Variants in KIAA2012 observed in about 807,000 individuals in gnomAD.
The protein encoded by KIAA2012 is uncharacterized protein KIAA2012.
KIAA2012 carries 125 observed loss-of-function variants against 150.6 expected under a neutral mutation model. The observed-to-expected ratio is 0.83, with a 90% CI of 0.72 to 0.96. The LOEUF is 0.96. Among genes scored for constraint, KIAA2012 ranks in the 40% least tolerant of loss-of-function variants. The probability of loss-of-function intolerance (pLI) is 0.00; values close to 1 mark genes in which losing one functional copy is unlikely to be tolerated. For missense variants in KIAA2012, 1,219 were observed against 1,354.9 expected (o/e 0.90, Z 1.57); for synonymous variants, 462 against 504.7 (o/e 0.92, Z 1.13).
intron 2 of KIAA2012, among the ~76,000 whole-genome samples, chr2:202,083,211 A>G (rs1413952865): frequency 2.0e-5 from 3 of 152,246 alleles, no homozygotes; most frequent in African/African-American, 7.2e-5. Context: ...CACCAAAGAT[A>G]GATAGGAGAG....
At chr2:202,202,316 G>A (rs1692547236) in intron 22 of KIAA2012, 113 bp from the exon 23 acceptor site, 1 of 400,510 alleles carries the variant, frequency 2.5e-6, no homozygotes, top group Non-Finnish European at 4.4e-6. Context: ...AAGATCAACA[G>A]CCCGAAGTCT....
In KIAA2012 at chr2:202,105,812, T is replaced by C; in HGVS notation, c.1376T>C (p.Val459Ala). 2 of 1,550,680 alleles carry C rather than the reference T, an allele frequency of 1.3e-6. No homozygotes were observed. The highest frequency in any genetic ancestry group is 1.7e-6 in the Non-Finnish European group (2 of 1,147,016). ...EPESSEESTP[V>A]WRPPLKHASL... The stretch of plus-strand genomic sequence containing the variant: ...GAAAGCAGCGAAGAATCCACACCTG[T>C]GTGGAGACCTCCCCTGAAGCATGCG... The change falls in exon 9 of 24, where the codon GTG becomes GCG. Residue 459 changes from valine to alanine, a missense_variant. By Grantham distance (64) the Val-to-Ala change is moderately conservative (BLOSUM62 0). Coordinates refer to ENST00000498697, the MANE Select transcript of KIAA2012 (RefSeq NM_001277372.4).
At position 202,100,312 on chromosome 2, in the gene KIAA2012, C is replaced by A; in HGVS notation, c.1018C>A (p.Gln340Lys). The change falls in exon 7 of 24, where the codon CAA becomes AAA. Residue 340 changes from glutamine (Q) to lysine (K), a missense_variant. Transcript: ENST00000498697. ...PNRKADLSDK[Q>K]RNVKLHKARS... ...TTCTCATCCTGTTTTTAAAGATAAA[C>A]AAAGGAACGTGAAACTCCACAAGGC... 1 of 1,549,626 alleles carries A rather than the reference C, an allele frequency of 6.5e-7. No individual in the cohort carries two copies. Among genetic ancestry groups the A allele is most frequent in the Non-Finnish European group, 8.7e-7 (1 of 1,146,564 alleles).
At chr2:202,130,393 C>T (rs571394905) in intron 12 of KIAA2012, among the ~76,000 whole-genome samples, 12 of 152,266 alleles carry the variant, frequency 7.9e-5, no homozygotes, top group African/African-American at 2.6e-4. Context: ...GGATCAGGAC[C>T]TTGCCCAAGT....
chr2:202,195,818 TC>T (rs2105751818), intron 21 of KIAA2012, among the ~76,000 whole-genome samples: 1 of 152,344 alleles, frequency 6.6e-6, no homozygotes, highest in Non-Finnish European at 1.5e-5. Context: ...TTAATGTAAG[TC>T]CTCCTAGGAT....
At chr2:202,080,000 C>T (rs896434188) in intron 2 of KIAA2012, among the ~76,000 whole-genome samples, 13 of 152,288 alleles carry the variant, frequency 8.5e-5, no homozygotes, top group East Asian at 1.9e-4. Flanking sequence ...GCATTACCTC[C>T]GTTTTATAGG....
chr2:202,168,628 G>A (rs1412997304), intron 15 of KIAA2012, among the ~76,000 whole-genome samples: 1 of 152,114 alleles, frequency 6.6e-6, no homozygotes, highest in Non-Finnish European at 1.5e-5. Flanking sequence ...TTTGGGGGAT[G>A]CATGTAGTCC....
At chr2:202,097,151 A>G (rs1689905591) in intron 4 of KIAA2012, among the ~76,000 whole-genome samples, 1 of 152,220 alleles carries the variant, frequency 6.6e-6, no homozygotes, top group Non-Finnish European at 1.5e-5. Context: ...CAAGGAAGTG[A>G]GGGCAAGAAA....
intron 15 of KIAA2012, among the ~76,000 whole-genome samples, chr2:202,177,491 C>T (rs1460475661): frequency 6.6e-6 from 1 of 152,178 alleles, no homozygotes; most frequent in Non-Finnish European, 1.5e-5. Context: ...ATGCAGGTTT[C>T]TTACTGTGTC....
intron 13 of KIAA2012, among the ~76,000 whole-genome samples, chr2:202,146,696 G>A (rs920697677): frequency 2.0e-5 from 3 of 151,610 alleles, no homozygotes; most frequent in African/African-American, 4.9e-5. Context: ...CTACTCAGGA[G>A]GCTGAGGCAG....
At chr2:202,089,168 G>A (rs1352700996) in intron 2 of KIAA2012, among the ~76,000 whole-genome samples, 1 of 152,180 alleles carries the variant, frequency 6.6e-6, no homozygotes, top group Non-Finnish European at 1.5e-5. Flanking sequence ...TGAGTTTCAG[G>A]ATACCAGAGC....
At chr2:202,114,720 G>T (rs1180399267) in intron 11 of KIAA2012, 2 of 163,706 alleles carry the variant, frequency 1.2e-5, no homozygotes, top group East Asian at 3.9e-4. Flanking sequence ...CACAATAAAT[G>T]TTCATTTAAA....
intron 12 of KIAA2012, among the ~76,000 whole-genome samples, chr2:202,128,573 C>T (rs1201670601): frequency 6.6e-6 from 1 of 152,038 alleles, no homozygotes. Context: ...CACTCAGTCA[C>T]TAGACTGCAA....
chr2:202,160,503 C>T (rs190592297), intron 14 of KIAA2012, among the ~76,000 whole-genome samples: 315 of 151,990 alleles, frequency 2.1e-3, no homozygotes, highest in African/African-American at 7.0e-3. Flanking sequence ...TTAGTACAGA[C>T]GGGGTTTTAC....
chr2:202,169,502 G>A (rs144357307), intron 15 of KIAA2012, among the ~76,000 whole-genome samples: 28 of 152,306 alleles, frequency 1.8e-4, no homozygotes, highest in East Asian at 1.9e-4. Context: ...TGGGGAAGGA[G>A]GACACTGGCT....
At chr2:202,155,277 G>T (rs184127895) in intron 14 of KIAA2012, among the ~76,000 whole-genome samples, 1 of 152,158 alleles carries the variant, frequency 6.6e-6, no homozygotes, top group Admixed American at 6.5e-5. Context: ...AGAGTTCATT[G>T]ATCTCACAAG....
chr2:202,203,832 C>G (rs1291661882), intron 23 of KIAA2012, among the ~76,000 whole-genome samples: 1 of 151,178 alleles, frequency 6.6e-6, no homozygotes, highest in Non-Finnish European at 1.5e-5. Flanking sequence ...TGCAGTGGCA[C>G]GATCTCGGCT....
At chr2:202,080,692 G>A (rs4675257) in intron 2 of KIAA2012, among the ~76,000 whole-genome samples, 20,129 of 91,196 alleles carry the variant, frequency 0.22, 1,973 homozygotes, top group East Asian at 0.38. Flanking sequence ...GCGAAACTCC[G>A]TCTCAAAAAA....
At chr2:202,174,857 T>TA (rs1358263159) in intron 15 of KIAA2012, among the ~76,000 whole-genome samples, 2 of 152,236 alleles carry the variant, frequency 1.3e-5, no homozygotes, top group Non-Finnish European at 2.9e-5. Context: ...GCAGGTTAGT[T>TA]ACATATGTAT....
Sources: gnomAD v4.1 joint callset for allele counts (sites outside exome capture counted in the v4.1 genomes callset) on GRCh38, gnomAD v4.1.1 for gene constraint, MANE v1.5 for transcripts, NCBI Gene and HGNC (gene_info 2026-07-23, HGNC 2026-07-21) for gene names.